Variants in EVC2 observed in about 807,000 individuals in gnomAD.
EVC2 encodes the protein EvC ciliary complex subunit 2.
A neutral mutation model predicts 149.3 loss-of-function variants in EVC2; 148 were observed. The observed-to-expected ratio is 0.99, with a 90% CI of 0.87 to 1.14. The LOEUF (loss-of-function observed/expected upper bound fraction) is 1.14. Among genes scored for constraint, EVC2 ranks in the 50% most tolerant of loss-of-function variants. EVC2 has a pLI of 0.00. For missense variants in EVC2, 1,854 were observed against 1,627.3 expected, an observed-to-expected ratio of 1.14 and a Z score of -2.40; for synonymous variants, 776 against 649.9, an observed-to-expected ratio of 1.19 and a Z score of -2.95.
chr4:5,686,127 C>CACACACACACACAT lies in EVC2; in HGVS notation c.707-649_707-648insATGTGTGTGTGTGT, dbSNP rs71171411. On this transcript the variant is annotated intron_variant, in intron 5 of 21. Transcript: ENST00000344408. The surrounding 1 kb of genome is among the most constrained non-coding windows in gnomAD (Gnocchi z 5.4). ...ACACACACACACACACACACACACA[C>CACACACACACACAT]AGAGTAAAGAAAAGAGGAGGAACGC... Among the ~76,000 whole-genome samples the CACACACACACACAT allele has an allele frequency of 1.0e-4, 15 of 149,548 alleles. No homozygotes were observed. The highest frequency in any genetic ancestry group is 3.0e-4 in the African/African-American group (12 of 40,106).
At position 5,638,908 on chromosome 4, in the gene EVC2, C is replaced by T. The variant is rs188570119; in HGVS notation, c.1470+1606G>A. Among the ~76,000 whole-genome samples the T allele has an allele frequency of 3.1e-3, 470 of 152,158 alleles. 2 individuals are homozygous for T. The highest frequency in any genetic ancestry group is 0.011 in the African/African-American group (450 of 41,490). On this transcript the variant is annotated intron_variant, in intron 10 of 21. Transcript: ENST00000344408. ...TGACAACTAGATTTTGGACGTCTGG[C>T]CTCCAGAACTATTATATAACAGAAA...
At chr4:5,694,542 G>C in intron 2 of EVC2, 41 bp from the exon 3 acceptor site, 1 of 1,611,974 alleles carries the variant, frequency 6.2e-7, no homozygotes, top group Non-Finnish European at 8.5e-7. Flanking sequence ...AATGCGGAAA[G>C]ACAGTAAGAC....
rs565394574 is a variant in EVC2, at chr4:5,584,551, G to A, written c.3057+72C>T. The A allele has an allele frequency of 1.1e-4, 155 of 1,464,568 alleles. No homozygotes were observed. In the African/African-American group the frequency reaches 1.7e-3, roughly 16 times the overall value. 90.7% of individuals were successfully genotyped at this position (1,464,568 alleles called of 1,614,324 possible). A position where few individuals can be genotyped will look rare whatever the true frequency, so the allele number is the denominator to read the frequency against. ...GACGGGGGTTGCAGCCTGTTTCATA[G>A]AGGAAGATGCAGAGGTAGGTACCAG... On this transcript the variant is annotated intron_variant, in intron 17 of 21. Transcript: ENST00000344408.
intron 16 of EVC2, among the ~76,000 whole-genome samples, chr4:5,602,256 C>T (rs1185585478): frequency 7.2e-6 from 1 of 139,780 alleles, no homozygotes; most frequent in African/African-American, 2.7e-5. Flanking sequence ...TGCCACTGCA[C>T]TCAACCCTGA....
chr4:5,602,814 G>A (rs1269168341), intron 16 of EVC2, among the ~76,000 whole-genome samples: 1 of 152,140 alleles, frequency 6.6e-6, no homozygotes, highest in Non-Finnish European at 1.5e-5. Context: ...AAAGGAAATA[G>A]ATAGGAAAAG....
intron 1 of EVC2, among the ~76,000 whole-genome samples, chr4:5,702,772 A>G (rs1721903556): frequency 6.6e-6 from 1 of 152,204 alleles, no homozygotes; most frequent in Admixed American, 6.5e-5. Context: ...TTTCTTGTAG[A>G]GCCTAGACAC....
At chr4:5,655,257 G>C (rs1244810429) in intron 9 of EVC2, among the ~76,000 whole-genome samples, 2 of 152,200 alleles carry the variant, frequency 1.3e-5, no homozygotes, top group Non-Finnish European at 2.9e-5. Context: ...CAGGTTTGAG[G>C]ACAGGGCTGC....
chr4:5,601,121 G>C (rs1001462392), intron 16 of EVC2, among the ~76,000 whole-genome samples: 6 of 152,134 alleles, frequency 3.9e-5, no homozygotes, highest in Non-Finnish European at 8.8e-5. Flanking sequence ...TTCCCCTACA[G>C]AGTGCGCAGC....
chr4:5,682,762 G>C (rs1472074649), intron 6 of EVC2, among the ~76,000 whole-genome samples: 1 of 151,522 alleles, frequency 6.6e-6, no homozygotes, highest in African/African-American at 2.4e-5. Context: ...AGGAGGCTGA[G>C]AGAGGAGAAT....
chr4:5,689,980 G>GA (rs1307149537), intron 4 of EVC2, among the ~76,000 whole-genome samples: 3 of 152,124 alleles, frequency 2.0e-5, no homozygotes, highest in South Asian at 4.1e-4. Context: ...GCAGGAGCCA[G>GA]AAAAAAGAGA....
chr4:5,597,562 A>T (rs1197496760), intron 16 of EVC2, among the ~76,000 whole-genome samples: 33 of 151,300 alleles, frequency 2.2e-4, no homozygotes, highest in Admixed American at 2.0e-3. Flanking sequence ...TTGATGGGAC[A>T]TATCTCAAAA....
At chr4:5,643,532 C>G (rs1048012705) in intron 9 of EVC2, among the ~76,000 whole-genome samples, 1 of 152,168 alleles carries the variant, frequency 6.6e-6, no homozygotes, top group Admixed American at 6.5e-5. Flanking sequence ...TCCTGTTAAT[C>G]TATCTCATGT....
intron 16 of EVC2, among the ~76,000 whole-genome samples, chr4:5,586,227 G>C (rs1712265572): frequency 6.6e-6 from 1 of 152,130 alleles, no homozygotes; most frequent in South Asian, 2.1e-4. Context: ...CTTCTGGGTT[G>C]AGGATCTCTT....
intron 9 of EVC2, 62 bp downstream of exon 9, chr4:5,663,045 T>C (rs899621235): frequency 5.0e-6 from 8 of 1,605,520 alleles, no homozygotes; most frequent in African/African-American, 2.7e-5. Flanking sequence ...TTTGGCCTTA[T>C]GTCACTGTCG....
chr4:5,540,657 G>C (rs900207873), downstream of EVC2, among the ~76,000 whole-genome samples: 4 of 152,292 alleles, frequency 2.6e-5, no homozygotes, highest in Non-Finnish European at 5.9e-5. Flanking sequence ...GTGTGGGCAA[G>C]GGGGTGCCCT....
chr4:5,596,108 A>C (rs567358306), intron 16 of EVC2, among the ~76,000 whole-genome samples: 3 of 152,338 alleles, frequency 2.0e-5, no homozygotes, highest in East Asian at 3.9e-4. Context: ...AGACTCCCAC[A>C]CAATAACAAT....
chr4:5,708,183 C>T, intron 1 of EVC2, 103 bp downstream of exon 1: 1 of 1,046,114 alleles, frequency 9.6e-7, no homozygotes, highest in South Asian at 2.0e-5. Context: ...GCCCTCCCTT[C>T]CTCATTCTTT....
chr4:5,547,504 C>A (rs922697562), intron 21 of EVC2, among the ~76,000 whole-genome samples: 2 of 152,188 alleles, frequency 1.3e-5, no homozygotes, highest in African/African-American at 4.8e-5. Context: ...CTTGTGGTGC[C>A]TTTTCCAGGC....
At position 5,596,827 on chromosome 4, in the gene EVC2, TAAA is replaced by T. The variant is rs778955003; in HGVS notation, c.2830-11980_2830-11978del. Among the ~76,000 whole-genome samples, 62 of 151,694 alleles carry T rather than the reference TAAA, an allele frequency of 4.1e-4. 1 individual carries two copies. The highest frequency in any genetic ancestry group is 2.8e-3 in the Admixed American group (42 of 15,236). On this transcript the variant is annotated intron_variant, in intron 16 of 21. Transcript: ENST00000344408. Reference sequence around the variant, plus strand: ...ACTGATAGACCGCTAGCAAGACTAATAAAGAAGAAAAGAGAGAAGAATCAAATA... The same window carrying T: ...ACTGATAGACCGCTAGCAAGACTAATGAAGAAAAGAGAGAAGAATCAAATA...
Sources: gnomAD v4.1 joint callset for allele counts (sites outside exome capture counted in the v4.1 genomes callset) on GRCh38, gnomAD v4.1.1 for gene constraint, Gnocchi (gnomAD v3.1) non-coding constraint, MANE v1.5 for transcripts, NCBI Gene and HGNC (gene_info 2026-07-23, HGNC 2026-07-21) for gene names.